The following CELSR3 variants were observed in gnomAD, a reference collection of about 807,000 sequenced individuals.
CELSR3 encodes the protein EGF-like protein 1.
Under a neutral mutation model 270.0 loss-of-function variants are expected in CELSR3, and 73 were observed. That is an observed-to-expected ratio of 0.27 (90% confidence interval 0.22 to 0.33). The LOEUF is 0.33. CELSR3 is among the 10% of genes least tolerant of loss of function. The probability of loss-of-function intolerance (pLI) is 1.00; values close to 1 mark genes in which losing one functional copy is unlikely to be tolerated. For synonymous variants in CELSR3, 1,780 were observed against 1,905.4 expected, an observed-to-expected ratio of 0.93 and a Z score of 1.71; for missense variants, 3,614 against 4,533.8, an observed-to-expected ratio of 0.80 and a Z score of 5.83.
chr3:48,654,570 T>G lies in CELSR3; in HGVS notation c.4989-118A>C, dbSNP rs943440970. On this transcript the variant is annotated intron_variant, in intron 6 of 34. Coordinates refer to ENST00000164024, the MANE Select transcript of CELSR3 (RefSeq NM_001407.3). This position sits in a 1 kb window ranked among gnomAD's most constrained non-coding sequence, Gnocchi z 5.4. ...GGGTAGGGTGATTGAGGGAGGAAAA[T>G]AAGGCCGAGCTGTGGAAGGAGTTAG... The G allele has an allele frequency of 6.7e-5, 57 of 851,712 alleles. No individual in the cohort carries two copies. Among genetic ancestry groups the G allele is most frequent in the Non-Finnish European group, 9.0e-5 (50 of 555,632 alleles). 52.8% of individuals were successfully genotyped at this position (851,712 alleles called of 1,614,324 possible). A position where few individuals can be genotyped will look rare whatever the true frequency, so the allele number is the denominator to read the frequency against.
intron 28 of CELSR3, 143 bp from the exon 29 acceptor site, chr3:48,643,226 G>A: frequency 1.5e-6 from 1 of 656,980 alleles, no homozygotes; most frequent in Non-Finnish European, 2.7e-6. Flanking sequence ...TAAGGGAGTT[G>A]GGGAAGGTCA....
rs749393799 is a variant in CELSR3, at chr3:48,642,447, T to C, written c.8576A>G (p.His2859Arg). 5.6e-6 allele frequency: 9 copies of C among 1,612,970 alleles called. No individual in the cohort carries two copies. Among genetic ancestry groups the C allele is most frequent in the African/African-American group, 4.0e-5 (3 of 75,004 alleles). The change falls in exon 31 of 35, where the codon CAT becomes CGT. Residue 2859 changes from histidine (H) to arginine (R), a missense_variant. Transcript: ENST00000164024. The surrounding 1 kb of genome is among the most constrained non-coding windows in gnomAD (Gnocchi z 6.1). ...GTCAGTGTGGTCAGCGGCTGAGCCA[T>C]GTCGAACCAGGACATTGTCCCTGGA... ...SYLRDNVLVR[H>R]GSAADHTDHS...
chr3:48,639,338 G>T lies in CELSR3; in HGVS notation c.9911+336C>A, dbSNP rs966433712. ...CCTCCTGCTCTCCTCCCTGCCCCTT[G>T]CATATTCCAGGTCATCTCCCACTTC... On this transcript the variant is annotated intron_variant, in intron 34 of 34. Transcript: ENST00000164024. This position sits in a 1 kb window ranked among gnomAD's most constrained non-coding sequence, Gnocchi z 4.1. 3.9e-5 allele frequency among the ~76,000 whole-genome samples: 6 copies of T among 152,144 alleles called. No homozygotes were observed. The highest frequency in any genetic ancestry group is 1.2e-4 in the African/African-American group (5 of 41,424).
At chr3:48,649,277 G>C in intron 16 of CELSR3, 62 bp from the exon 17 acceptor site, 1 of 1,264,654 alleles carries the variant, frequency 7.9e-7, no homozygotes, top group Non-Finnish European at 1.1e-6. Flanking sequence ...GGAGATAACC[G>C]CAGCACCCTC....
In CELSR3 at chr3:48,640,959, C is replaced by A. The variant is rs1023009509; in HGVS notation, c.9025+365G>T. On this transcript the variant is annotated intron_variant, in intron 33 of 34. Transcript: ENST00000164024. This position sits in a 1 kb window ranked among gnomAD's most constrained non-coding sequence, Gnocchi z 7.5. ...GCAAGGGTGAGGGCAGAAACCTCTTCTCCGGGTCCCCATAAAAGCAGAGTA... is the reference window on the plus strand; with the variant it reads ...GCAAGGGTGAGGGCAGAAACCTCTTATCCGGGTCCCCATAAAAGCAGAGTA... The A allele has an allele frequency of 1.4e-5, 5 of 362,980 alleles. No individual in the cohort carries two copies. The highest frequency in any genetic ancestry group is 4.2e-5 in the African/African-American group (2 of 47,380). 22.5% of individuals were successfully genotyped at this position (362,980 alleles called of 1,614,324 possible).
In CELSR3 at chr3:48,658,489, A is replaced by G. The variant is rs1361018958; in HGVS notation, c.3748+398T>C. 6.6e-6 allele frequency among the ~76,000 whole-genome samples: 1 copy of G among 152,218 alleles called. No individual in the cohort carries two copies. The highest frequency in any genetic ancestry group is 6.5e-5 in the Admixed American group (1 of 15,284). Reference sequence around the variant, plus strand: ...GGTCATTTCCTGCACAGATAGGGTAAGCGTCAGACTGGACCCAAAGTAACC... The same window carrying G: ...GGTCATTTCCTGCACAGATAGGGTAGGCGTCAGACTGGACCCAAAGTAACC... On this transcript the variant is annotated intron_variant, in intron 1 of 34. Transcript: ENST00000164024. This position sits in a 1 kb window ranked among gnomAD's most constrained non-coding sequence, Gnocchi z 4.7.
Position 48,645,316 on chromosome 3 carries a change from C to A in CELSR3, c.7798-107G>T. 6.5e-7 allele frequency: 1 copy of A among 1,541,254 alleles called. No individual in the cohort carries two copies. Reference sequence around the variant, plus strand: ...CACCCCTAAACCACAATATCTTACCCCAGCATCCTGCTGAAAACCCTGGCC... The same window carrying A: ...CACCCCTAAACCACAATATCTTACCACAGCATCCTGCTGAAAACCCTGGCC... On this transcript the variant is annotated intron_variant, in intron 24 of 34. Coordinates refer to ENST00000164024, the MANE Select transcript of CELSR3 (RefSeq NM_001407.3). This position sits in a 1 kb window ranked among gnomAD's most constrained non-coding sequence, Gnocchi z 5.4.
Position 48,639,896 on chromosome 3 carries a change from G to C in CELSR3, c.9689C>G (p.Ser3230Trp). Residue 3230 changes from serine (S) to tryptophan (W), a missense_variant, in exon 34 of 35, where the codon TCG becomes TGG. Transcript: ENST00000164024. This position sits in a 1 kb window ranked among gnomAD's most constrained non-coding sequence, Gnocchi z 4.1. ...LPQLLRARED[S>W]VSGPSHGPST... ...GGGGCCATGGCTGGGGCCACTGACC[G>C]AGTCCTCCCTAGCTCTGAGCAGCTG... is the stretch of plus-strand genomic sequence containing the variant. 6.2e-7 allele frequency: 1 copy of C among 1,613,332 alleles called. No individual in the cohort carries two copies. The highest frequency in any genetic ancestry group is 8.5e-7 in the Non-Finnish European group (1 of 1,180,006).
At position 48,644,060 on chromosome 3, in the gene CELSR3, C is replaced by T. The variant is rs560544003; in HGVS notation, c.8165+156G>A. 214 of 637,016 alleles carry T rather than the reference C, an allele frequency of 3.4e-4. No homozygotes were observed. Among genetic ancestry groups the T allele is most frequent in the Non-Finnish European group, 4.3e-4 (153 of 357,402 alleles). 39.5% of individuals were successfully genotyped at this position (637,016 alleles called of 1,614,324 possible). ...GTGGGGCTACAGTATAGCGAGGGCG[C>T]CAGAGAGGGACCACAGGTCAGGGCA... On this transcript the variant is annotated intron_variant, in intron 27 of 34. Coordinates refer to ENST00000164024, the MANE Select transcript of CELSR3 (RefSeq NM_001407.3). The surrounding 1 kb of genome is among the most constrained non-coding windows in gnomAD (Gnocchi z 4.8).
rs781257233 is a variant in CELSR3, at chr3:48,645,858, G to A, written c.7474C>T (p.His2492Tyr). Residue 2492 changes from histidine (H) to tyrosine (Y), a missense_variant, in exon 23 of 35, where the codon CAT becomes TAT. His to Tyr is a moderately conservative substitution (Grantham distance 83). Around this residue, in one of 7 missense-constraint regions of CELSR3, gnomAD observed 1,240 missense variants for 1,351.7 expected, o/e 0.92. Coordinates refer to ENST00000164024, the MANE Select transcript of CELSR3 (RefSeq NM_001407.3). This position sits in a 1 kb window ranked among gnomAD's most constrained non-coding sequence, Gnocchi z 5.4. The stretch of plus-strand genomic sequence containing the variant: ...CAGTCCCGTGCTGTCCACACACCAT[G>A]CTGCTCCGCCCTGCAGCCACAGGGC... ...QWDPPGLAEQ[H>Y]GVWTARDCEL... 1 of 1,601,518 alleles carries A rather than the reference G, an allele frequency of 6.2e-7. No individual in the cohort carries two copies. The highest frequency in any genetic ancestry group is 1.7e-5 in the Admixed American group (1 of 59,844).
At position 48,645,919 on chromosome 3, in the gene CELSR3, G is replaced by A; in HGVS notation, c.7464-51C>T. On this transcript the variant is annotated intron_variant, in intron 22 of 34. Coordinates refer to ENST00000164024, the MANE Select transcript of CELSR3 (RefSeq NM_001407.3). This position sits in a 1 kb window ranked among gnomAD's most constrained non-coding sequence, Gnocchi z 5.4. ...AACTGTGACCCAGTGTCAGGCAGGG[G>A]TTTGTGAGAGATCATGGGAAGGGCT... The A allele has an allele frequency of 6.3e-7, 1 of 1,579,282 alleles. No individual in the cohort carries two copies. The highest frequency in any genetic ancestry group is 8.6e-7 in the Non-Finnish European group (1 of 1,159,690).
In CELSR3 at chr3:48,642,794, T is replaced by A; in HGVS notation, c.8497A>T (p.Ser2833Cys). 1 of 1,613,006 alleles carries A rather than the reference T, an allele frequency of 6.2e-7. No homozygotes were observed. The highest frequency in any genetic ancestry group is 8.5e-7 in the Non-Finnish European group (1 of 1,179,960). Residue 2833 changes from serine (S) to cysteine (C), a missense_variant, in exon 30 of 35, where the codon AGT becomes TGT. Around this residue, in one of 7 missense-constraint regions of CELSR3, gnomAD observed 1,240 missense variants for 1,351.7 expected, o/e 0.92. Transcript: ENST00000164024. This position sits in a 1 kb window ranked among gnomAD's most constrained non-coding sequence, Gnocchi z 6.1. ...TCCTGGGTCCGGCCGGAGCGGGCAC[T>A]GCTCACAGAGGAGACGGTGGAGGCG... is the stretch of plus-strand genomic sequence containing the variant. ...LGASTVSSVS[S>C]ARSGRTQDQD... is the part of the protein sequence containing the mutation.
rs953106853 is a variant in CELSR3 at position 48,645,028 on chromosome 3, C to T, written c.7972+7G>A. The T allele has an allele frequency of 1.3e-6, 2 of 1,569,936 alleles. No individual in the cohort carries two copies. Among genetic ancestry groups the T allele is most frequent in the African/African-American group, 1.3e-5 (1 of 74,412 alleles). On this transcript the variant is annotated splice_region_variant and intron_variant, in intron 25 of 34. Transcript: ENST00000164024. This position sits in a 1 kb window ranked among gnomAD's most constrained non-coding sequence, Gnocchi z 5.4. ...GATGGTTGGAGGTTGGGGGTCACAGCCCTCACCCAGCAGCACAGCAGGGAC... is the reference window on the plus strand; with the variant it reads ...GATGGTTGGAGGTTGGGGGTCACAGTCCTCACCCAGCAGCACAGCAGGGAC...
At position 48,653,336 on chromosome 3, in the gene CELSR3, G is replaced by A; in HGVS notation, c.5449-149C>T. On this transcript the variant is annotated intron_variant, in intron 9 of 34. Transcript: ENST00000164024. The surrounding 1 kb of genome is among the most constrained non-coding windows in gnomAD (Gnocchi z 6.5). ...TGGCACAAAGGGCACTGTGCCAGGG[G>A]ACATCATGTTGCTGATATGGGGTCA... The A allele has an allele frequency of 1.3e-6, 1 of 769,654 alleles. No individual in the cohort carries two copies. 47.7% of individuals were successfully genotyped at this position (769,654 alleles called of 1,614,324 possible).
In CELSR3 at chr3:48,645,336, C is replaced by A; in HGVS notation, c.7797+107G>T. 6.4e-7 allele frequency: 1 copy of A among 1,561,508 alleles called. No homozygotes were observed. Among genetic ancestry groups the A allele is most frequent in the East Asian group, 2.3e-5 (1 of 43,632 alleles). ...TTACCCCAGCATCCTGCTGAAAACC[C>A]TGGCCCCAACCTGAGCATCCCTGAC... On this transcript the variant is annotated intron_variant, in intron 24 of 34. Coordinates refer to ENST00000164024, the MANE Select transcript of CELSR3 (RefSeq NM_001407.3). This position sits in a 1 kb window ranked among gnomAD's most constrained non-coding sequence, Gnocchi z 5.4.
At chr3:48,647,770 G>A in intron 20 of CELSR3, 71 bp downstream of exon 20, 2 of 1,507,970 alleles carry the variant, frequency 1.3e-6, no homozygotes, top group South Asian at 2.3e-5. Context: ...ATTGGCAGGA[G>A]GGCAACATAG....
At position 48,644,747 on chromosome 3, in the gene CELSR3, C is replaced by T; in HGVS notation, c.8054G>A (p.Ser2685Asn). 6.2e-7 allele frequency: 1 copy of T among 1,613,558 alleles called. No individual in the cohort carries two copies. The highest frequency in any genetic ancestry group is 8.5e-7 in the Non-Finnish European group (1 of 1,179,966). Residue 2685 changes from serine to asparagine, a missense_variant, in exon 26 of 35, where the codon AGC becomes AAC. Physicochemically the swap from Ser to Asn is conservative, Grantham distance 46. Coordinates refer to ENST00000164024, the MANE Select transcript of CELSR3 (RefSeq NM_001407.3). The surrounding 1 kb of genome is among the most constrained non-coding windows in gnomAD (Gnocchi z 4.8). ...GACCAGGACAACAGGGCCAGCAAAG[C>T]TCCAGATGAGGGGCTCGTGGACTGA... ...WISVHEPLIWSFAGPVVLVIV... is the reference protein window; with the variant it reads ...WISVHEPLIWNFAGPVVLVIV...
intron 17 of CELSR3, 92 bp downstream of exon 17, chr3:48,649,029 C>T: frequency 6.5e-7 from 1 of 1,543,212 alleles, no homozygotes; most frequent in Admixed American, 1.9e-5. Flanking sequence ...CCAGGAAAGG[C>T]TCAGGAGTTC....
Position 48,652,377 on chromosome 3 carries a change from C to T in CELSR3, c.5751+60G>A. 7.6e-7 allele frequency: 1 copy of T among 1,318,548 alleles called. No homozygotes were observed. Among genetic ancestry groups the T allele is most frequent in the Non-Finnish European group, 1.1e-6 (1 of 911,488 alleles). 81.7% of individuals were successfully genotyped at this position (1,318,548 alleles called of 1,614,324 possible). On this transcript the variant is annotated intron_variant, in intron 11 of 34. Transcript: ENST00000164024. This position sits in a 1 kb window ranked among gnomAD's most constrained non-coding sequence, Gnocchi z 4.3. ...ATACTGCCTTTCAGGTCCCAAGGAG[C>T]CCCTGACTTCTGACCCCTGACCCTA...
Sources: gnomAD v4.1 joint callset for allele counts (sites outside exome capture counted in the v4.1 genomes callset) on GRCh38, gnomAD v4.1.1 for gene constraint, gnomAD v4.1.1 regional missense constraint, Gnocchi (gnomAD v3.1) non-coding constraint, MANE v1.5 for transcripts, NCBI Gene and HGNC (gene_info 2026-07-23, HGNC 2026-07-21) for gene names.